SIL1: variants seen among roughly 807,000 people sequenced by gnomAD.
SIL1 encodes the protein SIL1 nucleotide exchange factor.
A neutral mutation model predicts 49.1 loss-of-function variants in SIL1; 40 were observed. The ratio of observed to expected loss-of-function variants is 0.81; its 90% confidence interval spans 0.63 to 1.06. The LOEUF is 1.06. Among genes scored for constraint, SIL1 ranks in the 50% least tolerant of loss-of-function variants. SIL1 has a pLI of 0.00. For synonymous variants in SIL1, 253 were observed against 250.8 expected (o/e 1.01, Z -0.08); for missense variants, 500 against 572.6 (o/e 0.87, Z 1.29).
At chr5:139,137,198 T>C (rs936233929) in intron 1 of SIL1, 2 of 605,492 alleles carry the variant, frequency 3.3e-6, no homozygotes, top group Admixed American at 2.6e-5. Flanking sequence ...ATAGTCAACA[T>C]TTATAGAGAA....
At position 139,026,816 on chromosome 5, in the gene SIL1, T is replaced by C. The variant is rs777001900; in HGVS notation, c.630A>G (p.Glu210=). 2 of 1,614,126 alleles carry C rather than the reference T, an allele frequency of 1.2e-6. No individual in the cohort carries two copies. Among genetic ancestry groups the C allele is most frequent in the Admixed American group, 1.7e-5 (1 of 60,028 alleles). Residue 210 remains glutamate (E), a synonymous_variant, in exon 6 of 10, where the codon GAA becomes GAG. Transcript: ENST00000394817. ...EEKIAALFDL[E]YYVHQMDNAQ... ...AATACAGTACCTGATGGACATAATA[T>C]TCAAGATCAAAGAGCGCAGCAATCT...
At chr5:139,090,681 T>G (rs896476986) in intron 3 of SIL1, among the ~76,000 whole-genome samples, 6 of 152,160 alleles carry the variant, frequency 3.9e-5, no homozygotes, top group Admixed American at 3.3e-4. Flanking sequence ...GTATGATCAC[T>G]GCAACCTCAA....
chr5:139,119,544 C>T lies in SIL1; in HGVS notation c.244+1491G>A, dbSNP rs941517359. Among the ~76,000 whole-genome samples, 67 of 152,060 alleles carry T rather than the reference C, an allele frequency of 4.4e-4. 1 individual carries two copies. Among genetic ancestry groups the T allele is most frequent in the Non-Finnish European group, 9.6e-4 (65 of 68,002 alleles). ...GGCAGGCTGAGGCAGGTGGATTGCT[C>T]GAGCCCAGGAGTTCGAGATTAGCCT... On this transcript the variant is annotated intron_variant, in intron 3 of 9. Coordinates refer to ENST00000394817, the MANE Select transcript of SIL1 (RefSeq NM_022464.5).
chr5:139,097,973 T>C (rs959718977), intron 3 of SIL1, among the ~76,000 whole-genome samples: 1 of 152,194 alleles, frequency 6.6e-6, no homozygotes, highest in Non-Finnish European at 1.5e-5. Flanking sequence ...AGAGATTCCA[T>C]GTCCATGGAT....
At chr5:139,129,800 T>C (rs1750824425) in intron 1 of SIL1, among the ~76,000 whole-genome samples, 1 of 152,258 alleles carries the variant, frequency 6.6e-6, no homozygotes, top group Non-Finnish European at 1.5e-5. Flanking sequence ...AGATGTAATC[T>C]TAACGACCTT....
chr5:138,998,852 C>CTTTTTTT (rs35074969), intron 7 of SIL1, among the ~76,000 whole-genome samples: 3 of 98,806 alleles, frequency 3.0e-5, no homozygotes, highest in Non-Finnish European at 3.9e-5. Context: ...ATTATCTTTC[C>CTTTTTTT]TTTTTTTTTT....
At chr5:139,192,023 C>T (rs1348822140) in intron 1 of SIL1, among the ~76,000 whole-genome samples, 1 of 141,298 alleles carries the variant, frequency 7.1e-6, no homozygotes, top group Non-Finnish European at 1.5e-5. Flanking sequence ...TGCAGTGAGC[C>T]GAGATTGTGC....
At chr5:139,002,664 G>A (rs2150412740) in intron 7 of SIL1, among the ~76,000 whole-genome samples, 1 of 152,308 alleles carries the variant, frequency 6.6e-6, no homozygotes, top group East Asian at 1.9e-4. Flanking sequence ...TTTCAACAAT[G>A]TCCTAGGGCA....
At chr5:139,132,243 G>A (rs541289330) in intron 1 of SIL1, among the ~76,000 whole-genome samples, 2 of 152,276 alleles carry the variant, frequency 1.3e-5, no homozygotes, top group African/African-American at 4.8e-5. Context: ...AAGAGGTCAG[G>A]GGCAGCTGAT....
chr5:139,127,878 G>GAAGGTC, intron 1 of SIL1, 25 bp from the exon 2 acceptor site: 4 of 1,428,052 alleles, frequency 2.8e-6, no homozygotes, highest in East Asian at 2.4e-5. Context: ...ATAGACAACA[G>GAAGGTC]AAGGTCAATG....
At chr5:139,143,535 T>C (rs1335975650) in intron 1 of SIL1, among the ~76,000 whole-genome samples, 2 of 151,732 alleles carry the variant, frequency 1.3e-5, no homozygotes, top group Non-Finnish European at 2.9e-5. Context: ...CACACATGGC[T>C]AAGTTTTTGT....
At chr5:139,190,112 G>T (rs1752141163) in intron 1 of SIL1, among the ~76,000 whole-genome samples, 1 of 152,170 alleles carries the variant, frequency 6.6e-6, no homozygotes, top group African/African-American at 2.4e-5. Context: ...CTAGTAAGTA[G>T]ATATCAGAAC....
At chr5:138,985,887 G>A (rs142159573) in intron 7 of SIL1, among the ~76,000 whole-genome samples, 6 of 152,290 alleles carry the variant, frequency 3.9e-5, no homozygotes, top group South Asian at 2.1e-4. Flanking sequence ...AGTAGAGCCC[G>A]CTGATGAAGG....
intron 7 of SIL1, among the ~76,000 whole-genome samples, chr5:138,990,842 A>G (rs1767741261): frequency 6.6e-6 from 1 of 152,192 alleles, no homozygotes; most frequent in African/African-American, 2.4e-5. Context: ...TAGCCTCCCA[A>G]GTAGCTGGGA....
At position 138,948,811 on chromosome 5, in the gene SIL1, G is replaced by A. The variant is rs1194346208; in HGVS notation, c.1030-1338C>T. Among the ~76,000 whole-genome samples, 3 of 152,206 alleles carry A rather than the reference G, an allele frequency of 2.0e-5. No individual in the cohort carries two copies. The highest frequency in any genetic ancestry group is 7.2e-5 in the African/African-American group (3 of 41,458). ...TTGAGAGGAGCTGCCTAGGTCAGGA[G>A]GGCAGCGGGTTCCTTACGGGAGAGC... On this transcript the variant is annotated intron_variant, in intron 9 of 9. Transcript: ENST00000394817. The surrounding 1 kb of genome is among the most constrained non-coding windows in gnomAD (Gnocchi z 4.8).
At chr5:139,007,682 T>C (rs1472078307) in intron 7 of SIL1, among the ~76,000 whole-genome samples, 1 of 122,970 alleles carries the variant, frequency 8.1e-6, no homozygotes, top group Non-Finnish European at 1.7e-5. Flanking sequence ...GGTTGTTGAA[T>C]TTTGTCAAAG....
At chr5:139,029,288 A>T (rs746599156) in intron 5 of SIL1, among the ~76,000 whole-genome samples, 3 of 152,206 alleles carry the variant, frequency 2.0e-5, no homozygotes, top group Non-Finnish European at 4.4e-5. Context: ...TGAGCTCTAG[A>T]TGTGCAGACA....
At chr5:139,144,339 C>T (rs1049518797) in intron 1 of SIL1, among the ~76,000 whole-genome samples, 1 of 151,768 alleles carries the variant, frequency 6.6e-6, no homozygotes, top group Non-Finnish European at 1.5e-5. Context: ...AAAACAAAAA[C>T]AAAAAACAGC....
intron 3 of SIL1, among the ~76,000 whole-genome samples, chr5:139,097,384 A>G (rs1373193050): frequency 1.3e-5 from 2 of 152,160 alleles, no homozygotes; most frequent in African/African-American, 4.8e-5. Context: ...GAATGGTTAC[A>G]GCATTGGAAT....
Sources: gnomAD v4.1 joint callset for allele counts (sites outside exome capture counted in the v4.1 genomes callset) on GRCh38, gnomAD v4.1.1 for gene constraint, Gnocchi (gnomAD v3.1) non-coding constraint, MANE v1.5 for transcripts, NCBI Gene and HGNC (gene_info 2026-07-23, HGNC 2026-07-21) for gene names.